The following FZD3 variants were observed in gnomAD, a reference collection of about 807,000 sequenced individuals.
The protein encoded by FZD3 is frizzled-3.
A neutral mutation model predicts 60.7 loss-of-function variants in FZD3; 30 were observed. The ratio of observed to expected loss-of-function variants is 0.49; its 90% CI spans 0.37 to 0.67. The LOEUF (loss-of-function observed/expected upper bound fraction) is 0.67, where lower values mean the gene tolerates loss of function less well. Among genes scored for constraint, FZD3 ranks in the 30% least tolerant of loss-of-function variants. The probability of loss-of-function intolerance (pLI) is 0.00; values close to 1 mark genes in which losing one functional copy is unlikely to be tolerated. For synonymous variants in FZD3, 246 were observed against 275.2 expected (o/e 0.89, Z 1.05); for missense variants, 605 against 838.7 (o/e 0.72, Z 3.44).
At chr8:28,550,442 T>G (rs962088014) in intron 5 of FZD3, among the ~76,000 whole-genome samples, 2 of 150,744 alleles carry the variant, frequency 1.3e-5, no homozygotes, top group Admixed American at 6.6e-5. Context: ...CTGCTGTTTT[T>G]TTTTTTTTGT....
intron 3 of FZD3, among the ~76,000 whole-genome samples, chr8:28,516,761 G>A (rs1490576951): frequency 6.6e-6 from 1 of 151,532 alleles, no homozygotes; most frequent in African/African-American, 2.4e-5. Flanking sequence ...AAACTATTTT[G>A]CATTCTTTTT....
At chr8:28,533,123 T>C (rs1032658975) in intron 5 of FZD3, among the ~76,000 whole-genome samples, 4 of 152,210 alleles carry the variant, frequency 2.6e-5, no homozygotes, top group Non-Finnish European at 4.4e-5. Flanking sequence ...ATTTTTAAAA[T>C]GTTTTTACCA....
intron 1 of FZD3, among the ~76,000 whole-genome samples, chr8:28,497,925 G>T (rs975895221): frequency 1.3e-5 from 2 of 151,958 alleles, no homozygotes; most frequent in Non-Finnish European, 2.9e-5. Context: ...TCCCTTTATT[G>T]CTGTCTTTCA....
At chr8:28,526,559 C>A (rs999068828) in intron 4 of FZD3, among the ~76,000 whole-genome samples, 1 of 152,100 alleles carries the variant, frequency 6.6e-6, no homozygotes, top group African/African-American at 2.4e-5. Flanking sequence ...GGATAGAGAT[C>A]TGTATTTTTA....
At chr8:28,519,176 C>T (rs982974056) in intron 3 of FZD3, among the ~76,000 whole-genome samples, 1 of 152,178 alleles carries the variant, frequency 6.6e-6, no homozygotes, top group Non-Finnish European at 1.5e-5. Context: ...GATTCATCCA[C>T]ATTTGAAAGG....
At chr8:28,523,612 A>T (rs1457873867) in intron 4 of FZD3, among the ~76,000 whole-genome samples, 1 of 151,826 alleles carries the variant, frequency 6.6e-6, no homozygotes, top group Non-Finnish European at 1.5e-5. Flanking sequence ...AAAAAAAAAA[A>T]AATTTGTAGA....
At chr8:28,508,282 C>T (rs576805868) in intron 3 of FZD3, among the ~76,000 whole-genome samples, 124 of 152,162 alleles carry the variant, frequency 8.1e-4, no homozygotes, top group Non-Finnish European at 1.5e-3. Context: ...TAAAATTCCG[C>T]GTCAAACTCT....
At chr8:28,562,309 T>G (rs1382196431) in intron 7 of FZD3, among the ~76,000 whole-genome samples, 5 of 152,120 alleles carry the variant, frequency 3.3e-5, no homozygotes, top group Admixed American at 3.3e-4. Context: ...TTTATTCATT[T>G]TTTTTTTTAG....
rs897528192 is a variant in FZD3 at position 28,571,642 on chromosome 8, T to A, written c.*8631T>A. Reference sequence around the variant, plus strand: ...TTTAACCCCAACTTCCAACAACTTTTCTGCTTTTATTTTCAAATGTCAAAT... The same window carrying A: ...TTTAACCCCAACTTCCAACAACTTTACTGCTTTTATTTTCAAATGTCAAAT... On this transcript the variant is annotated 3_prime_UTR_variant, in exon 8 of 8. Transcript: ENST00000240093. The A allele has an allele frequency of 2.0e-5, 3 of 152,170 alleles. No individual in the cohort carries two copies. Among genetic ancestry groups the A allele is most frequent in the Non-Finnish European group, 4.4e-5 (3 of 68,014 alleles). 9.4% of individuals were successfully genotyped at this position (152,170 alleles called of 1,614,324 possible). A position where few individuals can be genotyped will look rare whatever the true frequency, so the allele number is the denominator to read the frequency against.
intron 5 of FZD3, among the ~76,000 whole-genome samples, chr8:28,535,670 T>G (rs1169020567): frequency 6.7e-6 from 1 of 149,512 alleles, no homozygotes; most frequent in Admixed American, 6.7e-5. Context: ...AAATTCTGAA[T>G]TAATTATGAA....
rs1805782058 is a variant in FZD3 at position 28,570,313 on chromosome 8, A to T, written c.*7302A>T. On this transcript the variant is annotated 3_prime_UTR_variant, in exon 8 of 8. Coordinates refer to ENST00000240093, the MANE Select transcript of FZD3 (RefSeq NM_017412.4). ...TCGAGACCAGCCTGATGAACATGGCAAATCCCCTTCTGTACTAAAAATACA... is the reference window on the plus strand; with the variant it reads ...TCGAGACCAGCCTGATGAACATGGCTAATCCCCTTCTGTACTAAAAATACA... The T allele has an allele frequency of 6.7e-6, 1 of 150,276 alleles. No homozygotes were observed. Among genetic ancestry groups the T allele is most frequent in the East Asian group, 2.3e-4 (1 of 4,386 alleles). 9.3% of individuals were successfully genotyped at this position (150,276 alleles called of 1,614,324 possible).
At chr8:28,530,815 C>T (rs1804851998) in intron 5 of FZD3, among the ~76,000 whole-genome samples, 4 of 152,066 alleles carry the variant, frequency 2.6e-5, no homozygotes, top group Admixed American at 2.6e-4. Context: ...GTTTGTTTTA[C>T]CCAGTACATA....
In FZD3 at chr8:28,567,379, A is replaced by C. The variant is rs1255592951; in HGVS notation, c.*4368A>C. ...ATGTTGGTCTCAAACTCCTGACCTC[A>C]AGTGATCTGCCCACCTCAGCCTCCC... is the stretch of plus-strand genomic sequence containing the variant. On this transcript the variant is annotated 3_prime_UTR_variant, in exon 8 of 8. Transcript: ENST00000240093. 1 of 152,262 alleles carries C rather than the reference A, an allele frequency of 6.6e-6. No homozygotes were observed. The highest frequency in any genetic ancestry group is 1.5e-5 in the Non-Finnish European group (1 of 68,138). 9.4% of individuals were successfully genotyped at this position (152,262 alleles called of 1,614,324 possible).
intron 1 of FZD3, among the ~76,000 whole-genome samples, chr8:28,497,741 T>G (rs1484199364): frequency 6.6e-6 from 1 of 152,246 alleles, no homozygotes; most frequent in Non-Finnish European, 1.5e-5. Flanking sequence ...CATAATCTTT[T>G]GTTGCAGAAC....
chr8:28,518,539 C>T (rs1420671902), intron 3 of FZD3, among the ~76,000 whole-genome samples: 1 of 152,170 alleles, frequency 6.6e-6, no homozygotes, highest in Non-Finnish European at 1.5e-5. Flanking sequence ...TCTCTTTAGA[C>T]TGATAAGACT....
intron 5 of FZD3, among the ~76,000 whole-genome samples, chr8:28,539,298 G>A (rs999158049): frequency 6.6e-6 from 1 of 152,166 alleles, no homozygotes; most frequent in African/African-American, 2.4e-5. Context: ...AATCTAGGTT[G>A]CATGCACCAT....
intron 3 of FZD3, among the ~76,000 whole-genome samples, chr8:28,519,190 G>C (rs1224284979): frequency 6.6e-6 from 1 of 152,080 alleles, no homozygotes. Context: ...TGAAAGGCCT[G>C]GTGGTAAGAA....
intron 5 of FZD3, among the ~76,000 whole-genome samples, chr8:28,550,860 CATT>C (rs747956890): frequency 6.6e-6 from 1 of 151,990 alleles, no homozygotes; most frequent in Non-Finnish European, 1.5e-5. Flanking sequence ...TCTAATTAGT[CATT>C]ATTCTATTAA....
chr8:28,525,636 A>G (rs1045948737), intron 4 of FZD3, among the ~76,000 whole-genome samples: 7 of 152,158 alleles, frequency 4.6e-5, no homozygotes, highest in African/African-American at 1.7e-4. Context: ...TGAGGGTCTG[A>G]GTAGCTCTGG....
Sources: gnomAD v4.1 joint callset for allele counts (sites outside exome capture counted in the v4.1 genomes callset) on GRCh38, gnomAD v4.1.1 for gene constraint, MANE v1.5 for transcripts, NCBI Gene and HGNC (gene_info 2026-07-23, HGNC 2026-07-21) for gene names.